MORC2: variants seen among roughly 807,000 people sequenced by gnomAD.
MORC2 encodes ATPase MORC2.
A neutral mutation model predicts 136.0 loss-of-function variants in MORC2; 30 were observed. The ratio of observed to expected loss-of-function variants is 0.22; its 90% CI spans 0.17 to 0.30. The LOEUF (loss-of-function observed/expected upper bound fraction) is 0.30, where lower values mean the gene tolerates loss of function less well. Ranked by LOEUF, MORC2 falls within the 10% of genes least tolerant of loss-of-function variation. The pLI is 1.00. For missense variants in MORC2, 922 were observed against 1,333.1 expected (o/e 0.69, Z 4.80); for synonymous variants, 439 against 487.0 (o/e 0.90, Z 1.30).
intron 17 of MORC2, 144 bp downstream of exon 17, chr22:30,936,367 T>G: frequency 3.9e-6 from 4 of 1,024,188 alleles, no homozygotes; most frequent in African/African-American, 1.6e-5. Context: ...GACCTGGAGG[T>G]TGGGGTTGGA....
chr22:30,935,010 G>C lies in MORC2; in HGVS notation c.1964C>G (p.Ala655Gly). ...GCTGGCCTCCTCCCGGGCTGCCAAAGCAGGGAGCTTTGGGGTACTGCTGAT... is the reference window on the plus strand; with the variant it reads ...GCTGGCCTCCTCCCGGGCTGCCAAACCAGGGAGCTTTGGGGTACTGCTGAT... ...PVISSTPKLP[A>G]LAAREEASTS... Residue 655 changes from alanine (A) to glycine (G), a missense_variant, in exon 19 of 26, where the codon GCT becomes GGT. By Grantham distance (60) the Ala-to-Gly change is moderately conservative. Around this residue, in one of 9 missense-constraint regions of MORC2, gnomAD observed 184 missense variants for 180.3 expected, o/e 1.02. Coordinates refer to ENST00000397641, the MANE Select transcript of MORC2 (RefSeq NM_001303256.3). The C allele has an allele frequency of 3.1e-6, 5 of 1,614,138 alleles. No homozygotes were observed. Among genetic ancestry groups the C allele is most frequent in the Non-Finnish European group, 4.2e-6 (5 of 1,180,026 alleles).
Position 30,938,167 on chromosome 22 carries a change from C to G in MORC2, c.1112G>C (p.Gly371Ala). Residue 371 changes from glycine to alanine, a missense_variant, in exon 13 of 26, where the codon GGT becomes GCT. By Grantham distance (60) the Gly-to-Ala change is moderately conservative (BLOSUM62 0). This residue lies in a region of MORC2 where 261 missense variants were observed against 354.3 expected (regional missense o/e 0.74). Coordinates refer to ENST00000397641, the MANE Select transcript of MORC2 (RefSeq NM_001303256.3). The stretch of plus-strand genomic sequence containing the variant: ...CAGATCCCGGTGTTCAATGTTGACA[C>G]CAAAAACAAAATTCAGTTCCTTAGG... Reference protein sequence around the residue: ...KEPKELNFVFGVNIEHRDLDG... With the variant: ...KEPKELNFVFAVNIEHRDLDG... The G allele has an allele frequency of 1.9e-6, 3 of 1,613,998 alleles. No homozygotes were observed. The highest frequency in any genetic ancestry group is 2.5e-6 in the Non-Finnish European group (3 of 1,180,010).
intron 1 of MORC2, among the ~76,000 whole-genome samples, chr22:30,964,900 A>G (rs868711909): frequency 1.4e-5 from 2 of 139,538 alleles, no homozygotes; most frequent in Admixed American, 7.1e-5. Context: ...TCTGGTTTAT[A>G]TAAACTATTA....
rs1174370013 is a variant in MORC2 at position 30,934,069 on chromosome 22, G to A, written c.2316C>T (p.Asp772=). ...CACCTCAACCACTCACCTCATTCGA[G>A]TCCTTCTTTTCCTCCTTCACAACAA... ...GRFVVKEEKK[D]SNELSDSAGE... The change falls in exon 20 of 26, where the codon GAC becomes GAT. Residue 772 remains aspartate (D), a synonymous_variant. Coordinates refer to ENST00000397641, the MANE Select transcript of MORC2 (RefSeq NM_001303256.3). The surrounding 1 kb of genome is among the most constrained non-coding windows in gnomAD (Gnocchi z 4.4). The A allele has an allele frequency of 3.7e-6, 6 of 1,614,120 alleles. No individual in the cohort carries two copies. Among genetic ancestry groups the A allele is most frequent in the Non-Finnish European group, 4.2e-6 (5 of 1,180,012 alleles).
rs2041159284 is a variant in MORC2 at position 30,968,210 on chromosome 22, G to A, written c.-321C>T. The A allele has an allele frequency of 4.1e-6, 1 of 245,540 alleles. No individual in the cohort carries two copies. The highest frequency in any genetic ancestry group is 2.3e-5 in the African/African-American group (1 of 43,630). 15.2% of individuals were successfully genotyped at this position (245,540 alleles called of 1,614,324 possible). On this transcript the variant is annotated 5_prime_UTR_variant, in exon 1 of 26. Coordinates refer to ENST00000397641, the MANE Select transcript of MORC2 (RefSeq NM_001303256.3). ...AGACAATCTGAGTCTCGTGTGGATG[G>A]TCCTGAAGGAGATGGTCCTTGAGTG...
At position 30,941,232 on chromosome 22, in the gene MORC2, G is replaced by C. The variant is rs1602490177; in HGVS notation, c.824+201C>G. 6.6e-6 allele frequency among the ~76,000 whole-genome samples: 1 copy of C among 152,180 alleles called. No individual in the cohort carries two copies. The highest frequency in any genetic ancestry group is 2.4e-5 in the African/African-American group (1 of 41,444). On this transcript the variant is annotated intron_variant, in intron 9 of 25. Transcript: ENST00000397641. This position sits in a 1 kb window ranked among gnomAD's most constrained non-coding sequence, Gnocchi z 4.6. ...GAGGCACACATACTCAATGAGCTTA[G>C]CCAGCCACCTCCACAGCTGATCTGT... is the stretch of plus-strand genomic sequence containing the variant.
chr22:30,929,760 C>CAAAAA (rs957226944), intron 24 of MORC2: 1 of 142,280 alleles, frequency 7.0e-6, no homozygotes, highest in African/African-American at 2.6e-5. Flanking sequence ...GACTCTGTCT[C>CAAAAA]AAAAAAAAAA....
chr22:30,965,230 C>T (rs1397757577), intron 1 of MORC2, among the ~76,000 whole-genome samples: 1 of 152,190 alleles, frequency 6.6e-6, no homozygotes, highest in Non-Finnish European at 1.5e-5. Flanking sequence ...ATTCGCAATA[C>T]TGTAGATGTC....
intron 6 of MORC2, among the ~76,000 whole-genome samples, chr22:30,946,009 G>C (rs2040810332): frequency 6.6e-6 from 1 of 152,138 alleles, no homozygotes; most frequent in Non-Finnish European, 1.5e-5. Flanking sequence ...ATAAAACAAT[G>C]TTCCATGGTA....
Position 30,932,978 on chromosome 22 carries a change from A to G in MORC2, c.2433T>C (p.Arg811=). ...VRVNREWYTG[R]VTAVEVGKHV... is the part of the protein sequence containing the mutation. ...GCTTGCCCACCTCCACGGCTGTGAC[A>G]CGGCCCGTGTACCACTCCCTGTTCA... The change falls in exon 22 of 26, where the codon CGT becomes CGC. Residue 811 remains arginine, a synonymous_variant. Coordinates refer to ENST00000397641, the MANE Select transcript of MORC2 (RefSeq NM_001303256.3). This position sits in a 1 kb window ranked among gnomAD's most constrained non-coding sequence, Gnocchi z 4.4. 1 of 1,614,096 alleles carries G rather than the reference A, an allele frequency of 6.2e-7. No individual in the cohort carries two copies. Among genetic ancestry groups the G allele is most frequent in the African/African-American group, 1.3e-5 (1 of 75,020 alleles).
Position 30,940,145 on chromosome 22 carries a change from G to GA in MORC2, c.905-105dup, listed in dbSNP as rs996037627. The GA allele has an allele frequency of 7.2e-5, 82 of 1,133,468 alleles. 1 individual carries two copies. The African/African-American group carries it at 1.1e-3, about 15-fold the overall frequency. 70.2% of individuals were successfully genotyped at this position (1,133,468 alleles called of 1,614,324 possible). On this transcript the variant is annotated intron_variant, in intron 10 of 25. Coordinates refer to ENST00000397641, the MANE Select transcript of MORC2 (RefSeq NM_001303256.3). ...GACACGAAGTGTGTACACCACCAAG[G>GA]AAAAAAAGAGTAGGGGGAGCTATGG...
In MORC2 at chr22:30,963,364, T is replaced by G. The variant is rs2041078318; in HGVS notation, c.68+4458A>C. ...AAAAAGACAAAGATTTTTTGAAAAT[T>G]CGTTCACTTTCAACTGATTATGGCT... is the stretch of plus-strand genomic sequence containing the variant. On this transcript the variant is annotated intron_variant, in intron 1 of 25. Coordinates refer to ENST00000397641, the MANE Select transcript of MORC2 (RefSeq NM_001303256.3). 1.3e-5 allele frequency: 13 copies of G among 968,080 alleles called. No individual in the cohort carries two copies. In the South Asian group the frequency reaches 4.8e-4, roughly 36 times the overall value. 60.0% of individuals were successfully genotyped at this position (968,080 alleles called of 1,614,324 possible). A position where few individuals can be genotyped will look rare whatever the true frequency, so the allele number is the denominator to read the frequency against.
rs2040629337 is a variant in MORC2 at position 30,934,898 on chromosome 22, C to A, written c.2076G>T (p.Val692=). The A allele has an allele frequency of 6.2e-7, 1 of 1,614,062 alleles. No homozygotes were observed. The highest frequency in any genetic ancestry group is 8.5e-7 in the Non-Finnish European group (1 of 1,180,056). Residue 692 remains valine, a synonymous_variant, in exon 19 of 26, where the codon GTG becomes GTT. Coordinates refer to ENST00000397641, the MANE Select transcript of MORC2 (RefSeq NM_001303256.3). This position sits in a 1 kb window ranked among gnomAD's most constrained non-coding sequence, Gnocchi z 4.4. The stretch of plus-strand genomic sequence containing the variant: ...GCAGTAAAGATGGTGACAGTTGCTG[C>A]ACCAGAGGGGCAGGTCGGGATGCAG... ...VKTASRPAPL[V]QQLSPSLLPN...
intron 12 of MORC2, 124 bp downstream of exon 12, chr22:30,939,497 G>T: frequency 1.1e-6 from 1 of 885,496 alleles, no homozygotes; most frequent in Non-Finnish European, 1.7e-6. Context: ...CCCTCCTGCA[G>T]GAGGCATTTG....
At chr22:30,942,966 C>G (rs186224455) in intron 6 of MORC2, among the ~76,000 whole-genome samples, 1 of 151,974 alleles carries the variant, frequency 6.6e-6, no homozygotes, top group East Asian at 1.9e-4. Flanking sequence ...GATCGTGCCA[C>G]TGCACTCCAG....
At chr22:30,929,315 G>GT (rs533331754) in intron 24 of MORC2, among the ~76,000 whole-genome samples, 86 of 152,226 alleles carry the variant, frequency 5.6e-4, no homozygotes, top group African/African-American at 1.9e-3. Flanking sequence ...TGTTACATTA[G>GT]TTTTTTTGAA....
At chr22:30,953,475 A>C (rs1054977817) in intron 3 of MORC2, among the ~76,000 whole-genome samples, 1 of 152,254 alleles carries the variant, frequency 6.6e-6, no homozygotes. Flanking sequence ...AAAGAAAGAA[A>C]GCAGGAAAAG....
At chr22:30,936,434 G>A in intron 17 of MORC2, 77 bp downstream of exon 17, 1 of 1,571,308 alleles carries the variant, frequency 6.4e-7, no homozygotes, top group Non-Finnish European at 8.6e-7. Context: ...GAGGGAACAG[G>A]AAAGCTACTG....
intron 1 of MORC2, among the ~76,000 whole-genome samples, chr22:30,960,677 G>C (rs925477926): frequency 6.6e-6 from 1 of 150,492 alleles, no homozygotes; most frequent in Non-Finnish European, 1.5e-5. Context: ...TTTTAGTAGA[G>C]ACGGGGTTTC....
Sources: gnomAD v4.1 joint callset for allele counts (sites outside exome capture counted in the v4.1 genomes callset) on GRCh38, gnomAD v4.1.1 for gene constraint, gnomAD v4.1.1 regional missense constraint, Gnocchi (gnomAD v3.1) non-coding constraint, MANE v1.5 for transcripts, NCBI Gene and HGNC (gene_info 2026-07-23, HGNC 2026-07-21) for gene names.